The following RGS6 variants were observed in gnomAD, a reference collection of about 807,000 sequenced individuals.
RGS6 encodes regulator of G protein signaling 6.
Under a neutral mutation model 78.5 loss-of-function variants are expected in RGS6, and 30 were observed. The ratio of observed to expected loss-of-function variants is 0.38; its 90% CI spans 0.29 to 0.52. The LOEUF is 0.52. Ranked by LOEUF, RGS6 falls within the 20% of genes least tolerant of loss-of-function variation. The pLI is 0.85. For synonymous variants in RGS6, 206 were observed against 206.0 expected, an observed-to-expected ratio of 1.00 and a Z score of 0.00; for missense variants, 495 against 609.7, an observed-to-expected ratio of 0.81 and a Z score of 1.98.
chr14:71,876,789 G>A, the RGS6 span, among the ~76,000 whole-genome samples: 1 of 151,944 alleles, frequency 6.6e-6, no homozygotes, highest in Non-Finnish European at 1.5e-5. Context: ...TTTACAATTT[G>A]GTATGTTTTT....
At chr14:72,323,839 A>C (rs1193573574) in intron 2 of RGS6, among the ~76,000 whole-genome samples, 5 of 142,134 alleles carry the variant, frequency 3.5e-5, no homozygotes, top group African/African-American at 1.3e-4. Flanking sequence ...AAAAAAAAAA[A>C]AACTATTGTA....
intron 12 of RGS6, among the ~76,000 whole-genome samples, chr14:72,490,860 G>A (rs2096569012): frequency 6.6e-6 from 1 of 152,178 alleles, no homozygotes; most frequent in Admixed American, 6.5e-5. Context: ...TCAGAAAATT[G>A]AGGAATGAGA....
intron 3 of RGS6, among the ~76,000 whole-genome samples, chr14:72,396,599 T>C (rs2091333819): frequency 6.6e-6 from 1 of 152,186 alleles, no homozygotes; most frequent in Non-Finnish European, 1.5e-5. Context: ...TTTTGGTGTT[T>C]TAGACATGAA....
At chr14:72,569,538 G>A (rs754938038), downstream of RGS6, among the ~76,000 whole-genome samples, 32 of 152,234 alleles carry the variant, frequency 2.1e-4, no homozygotes, top group African/African-American at 7.2e-4. Flanking sequence ...AAATTAGCTC[G>A]GCGTGGTGGC....
At chr14:72,610,990 C>T in the RGS6 span, among the ~76,000 whole-genome samples, 33 of 152,240 alleles carry the variant, frequency 2.2e-4, no homozygotes, top group Admixed American at 1.3e-4. Context: ...CAGGCTGTCA[C>T]GCACTTTAAA....
chr14:71,908,876 A>G, the RGS6 span, among the ~76,000 whole-genome samples: 25 of 152,336 alleles, frequency 1.6e-4, 1 homozygote, highest in Non-Finnish European at 8.8e-5. Context: ...TATAAGGTTA[A>G]TATTTATGGT....
At chr14:72,034,373 G>A (rs530087739) in intron 2 of RGS6, among the ~76,000 whole-genome samples, 1 of 146,060 alleles carries the variant, frequency 6.8e-6, no homozygotes, top group South Asian at 2.2e-4. Flanking sequence ...GTGTGTTTTT[G>A]TCATGAAAGG....
At chr14:72,289,590 G>A (rs778833654) in intron 2 of RGS6, among the ~76,000 whole-genome samples, 3 of 152,094 alleles carry the variant, frequency 2.0e-5, no homozygotes, top group Non-Finnish European at 2.9e-5. Context: ...TCATGTTCAC[G>A]CTGGGAGGTA....
chr14:72,551,326 CTG>C (rs1429078131), intron 17 of RGS6, among the ~76,000 whole-genome samples: 1 of 152,164 alleles, frequency 6.6e-6, no homozygotes, highest in Non-Finnish European at 1.5e-5. Context: ...TCCAGCAGGA[CTG>C]TGTTTCTGAG....
chr14:72,622,051 G>A, the RGS6 span, among the ~76,000 whole-genome samples: 2 of 152,330 alleles, frequency 1.3e-5, no homozygotes, highest in Non-Finnish European at 2.9e-5. Flanking sequence ...CCTAGGAGAG[G>A]AAGCCCAGAA....
chr14:72,295,585 AG>A (rs1486932941), intron 2 of RGS6, among the ~76,000 whole-genome samples: 3 of 152,190 alleles, frequency 2.0e-5, no homozygotes, highest in African/African-American at 7.2e-5. Flanking sequence ...ATTTTTTACC[AG>A]GTTTTGTTGG....
rs1012253410 is a variant in RGS6, at chr14:72,078,058, G to A, written c.84+113183G>A. On this transcript the variant is annotated intron_variant, in intron 2 of 17. Coordinates refer to ENST00000553525, the MANE Select transcript of RGS6 (RefSeq NM_001204424.2). ...TCTGTCCCCACCAAATCTCATGTCC[G>A]ATCGTGGTCCCCACTGCTGGCAGTA... 5.9e-5 allele frequency among the ~76,000 whole-genome samples: 9 copies of A among 152,110 alleles called. No homozygotes were observed. In the South Asian group the frequency reaches 8.3e-4, roughly 14 times the overall value.
chr14:72,047,017 A>G (rs1180100301), intron 2 of RGS6, among the ~76,000 whole-genome samples: 1 of 152,210 alleles, frequency 6.6e-6, no homozygotes. Flanking sequence ...CACCAGGACC[A>G]ATGCTTGGAC....
At chr14:72,174,298 A>C (rs781549895) in intron 2 of RGS6, among the ~76,000 whole-genome samples, 11 of 152,118 alleles carry the variant, frequency 7.2e-5, no homozygotes, top group Non-Finnish European at 1.5e-4. Context: ...GGATTTCTCC[A>C]TGTTGGTCAG....
At chr14:72,166,991 G>A (rs1483513078) in intron 2 of RGS6, among the ~76,000 whole-genome samples, 3 of 152,032 alleles carry the variant, frequency 2.0e-5, no homozygotes, top group Non-Finnish European at 4.4e-5. Flanking sequence ...CACTATTTTC[G>A]GTTCAGTAAT....
chr14:72,123,882 A>G (rs2096121689), intron 2 of RGS6, among the ~76,000 whole-genome samples: 1 of 152,210 alleles, frequency 6.6e-6, no homozygotes, highest in Non-Finnish European at 1.5e-5. Context: ...TGACTGTATC[A>G]CAGCTGTTCC....
intron 3 of RGS6, among the ~76,000 whole-genome samples, chr14:72,358,221 G>T (rs2080756170): frequency 2.6e-5 from 4 of 152,238 alleles, no homozygotes; most frequent in African/African-American, 9.6e-5. Flanking sequence ...CCCTCATGGA[G>T]AGCCTCTGCT....
chr14:72,465,310 T>C (rs1384396047), intron 6 of RGS6, among the ~76,000 whole-genome samples: 3 of 152,108 alleles, frequency 2.0e-5, no homozygotes, highest in Non-Finnish European at 4.4e-5. Context: ...GAAATATCAC[T>C]CTGAGTGTAG....
chr14:72,324,902 C>G (rs1352328292), intron 2 of RGS6, among the ~76,000 whole-genome samples: 1 of 152,210 alleles, frequency 6.6e-6, no homozygotes, highest in African/African-American at 2.4e-5. Flanking sequence ...AATGGTATTT[C>G]TAGTTCTAGA....
Sources: gnomAD v4.1 joint callset for allele counts (sites outside exome capture counted in the v4.1 genomes callset) on GRCh38, gnomAD v4.1.1 for gene constraint, MANE v1.5 for transcripts, NCBI Gene and HGNC (gene_info 2026-07-23, HGNC 2026-07-21) for gene names.